SNX29: variants seen among roughly 807,000 people sequenced by gnomAD.
SNX29 encodes the protein sorting nexin 29.
A neutral mutation model predicts 102.1 loss-of-function variants in SNX29; 78 were observed. That is an observed-to-expected ratio of 0.76 (90% CI 0.64 to 0.92). The LOEUF (loss-of-function observed/expected upper bound fraction) is 0.92, where lower values mean the gene tolerates loss of function less well. SNX29 is among the 40% of genes least tolerant of loss of function. SNX29 has a pLI of 0.00. For synonymous variants in SNX29, 580 were observed against 414.5 expected, an observed-to-expected ratio of 1.40 and a Z score of -4.85; for missense variants, 1,280 against 1,061.7, an observed-to-expected ratio of 1.21 and a Z score of -2.86.
At chr16:12,536,152 G>A (rs556921401) in intron 20 of SNX29, among the ~76,000 whole-genome samples, 5 of 152,174 alleles carry the variant, frequency 3.3e-5, no homozygotes, top group Non-Finnish European at 7.3e-5. Context: ...GCCTGTGAGC[G>A]CAGAATCTCC....
intron 14 of SNX29, among the ~76,000 whole-genome samples, chr16:12,224,459 G>T (rs191214914): frequency 7.2e-4 from 109 of 152,302 alleles, no homozygotes; most frequent in Non-Finnish European, 1.3e-3. Flanking sequence ...ACCACAGGAC[G>T]TGTTTCTTAA....
chr16:12,486,096 T>A (rs1246353206), intron 19 of SNX29, among the ~76,000 whole-genome samples: 1 of 152,246 alleles, frequency 6.6e-6, no homozygotes, highest in Non-Finnish European at 1.5e-5. Flanking sequence ...CTCCAGGGGA[T>A]AATCCTTCTC....
intron 20 of SNX29, among the ~76,000 whole-genome samples, chr16:12,560,267 C>G (rs550684995): frequency 6.6e-6 from 1 of 152,134 alleles, no homozygotes; most frequent in East Asian, 1.9e-4. Context: ...ATCAGGAACA[C>G]AGCAGCAATG....
intron 20 of SNX29, among the ~76,000 whole-genome samples, chr16:12,529,575 A>C (rs1410492387): frequency 6.6e-6 from 1 of 152,082 alleles, no homozygotes; most frequent in Admixed American, 6.5e-5. Flanking sequence ...CCTTGAGGAG[A>C]GAGAAAGTTA....
intron 20 of SNX29, among the ~76,000 whole-genome samples, chr16:12,553,307 G>A (rs906474548): frequency 2.0e-5 from 3 of 152,190 alleles, no homozygotes; most frequent in Admixed American, 6.5e-5. Flanking sequence ...TGGGCACCTG[G>A]CCCTGGGAAA....
intron 13 of SNX29, among the ~76,000 whole-genome samples, chr16:12,167,400 G>C (rs2076041319): frequency 6.6e-6 from 1 of 152,136 alleles, no homozygotes; most frequent in African/African-American, 2.4e-5. Context: ...TGTGGGTCCA[G>C]GTAGAGCTCT....
chr16:12,490,176 C>A (rs901897739), intron 19 of SNX29, among the ~76,000 whole-genome samples: 3 of 152,146 alleles, frequency 2.0e-5, no homozygotes, highest in Non-Finnish European at 2.9e-5. Flanking sequence ...TGGATTTTCA[C>A]AAAATGAACA....
At chr16:11,984,501 C>A (rs2055526163) in intron 1 of SNX29, among the ~76,000 whole-genome samples, 1 of 152,174 alleles carries the variant, frequency 6.6e-6, no homozygotes, top group South Asian at 2.1e-4. Flanking sequence ...GCTCCATGGG[C>A]TCACTATTGA....
At chr16:12,395,188 T>C (rs1385741899) in intron 16 of SNX29, among the ~76,000 whole-genome samples, 1 of 152,244 alleles carries the variant, frequency 6.6e-6, no homozygotes, top group Non-Finnish European at 1.5e-5. Flanking sequence ...GAACCTCTAG[T>C]GTCTTCCCAG....
intron 3 of SNX29, among the ~76,000 whole-genome samples, chr16:12,004,719 C>G (rs568511630): frequency 1.3e-5 from 2 of 152,266 alleles, no homozygotes; most frequent in East Asian, 3.9e-4. Context: ...ATTTTAACAG[C>G]CATGAGAAAG....
intron 18 of SNX29, among the ~76,000 whole-genome samples, chr16:12,429,220 T>C (rs1405155017): frequency 1.3e-5 from 2 of 152,220 alleles, no homozygotes; most frequent in African/African-American, 4.8e-5. Context: ...CTCCTTCTAG[T>C]TAGTAACAAC....
At chr16:11,995,603 T>C (rs887906096) in intron 1 of SNX29, among the ~76,000 whole-genome samples, 7 of 148,286 alleles carry the variant, frequency 4.7e-5, no homozygotes, top group Non-Finnish European at 1.0e-4. Flanking sequence ...CAGAGGAGGC[T>C]GCTGACATCT....
intron 9 of SNX29, among the ~76,000 whole-genome samples, chr16:12,065,981 T>C (rs2051017119): frequency 6.6e-6 from 1 of 152,228 alleles, no homozygotes; most frequent in African/African-American, 2.4e-5. Context: ...AGACGGTCTA[T>C]GCTGTGTGCA....
At chr16:12,304,854 C>G (rs759500391) in intron 15 of SNX29, among the ~76,000 whole-genome samples, 1 of 152,164 alleles carries the variant, frequency 6.6e-6, no homozygotes. Context: ...TATGATTTTA[C>G]GAGAACATTC....
At chr16:12,554,984 G>C (rs75814363) in intron 20 of SNX29, among the ~76,000 whole-genome samples, 1 of 151,732 alleles carries the variant, frequency 6.6e-6, no homozygotes, top group Non-Finnish European at 1.5e-5. Context: ...TCAGTCAGCC[G>C]GAGCACCTTT....
intron 14 of SNX29, among the ~76,000 whole-genome samples, chr16:12,274,979 G>A (rs2079200894): frequency 6.6e-6 from 1 of 152,148 alleles, no homozygotes; most frequent in Admixed American, 6.5e-5. Context: ...CTTTTGAAGT[G>A]TTTTCCCTAA....
intron 18 of SNX29, among the ~76,000 whole-genome samples, chr16:12,473,964 A>G (rs2087475581): frequency 1.3e-5 from 2 of 152,168 alleles, no homozygotes; most frequent in South Asian, 4.1e-4. Flanking sequence ...GCGATTCTTT[A>G]TTCCTTTACT....
At chr16:12,455,289 G>T (rs1012234786) in intron 18 of SNX29, among the ~76,000 whole-genome samples, 1 of 152,252 alleles carries the variant, frequency 6.6e-6, no homozygotes, top group Non-Finnish European at 1.5e-5. Flanking sequence ...CCCACACCTC[G>T]TGGCCCTTTT....
chr16:12,296,226 A>AAC (rs2079976843), intron 15 of SNX29, among the ~76,000 whole-genome samples: 1 of 152,166 alleles, frequency 6.6e-6, no homozygotes, highest in Non-Finnish European at 1.5e-5. Flanking sequence ...TCCTGGTGTT[A>AAC]GAGGTTTGAA....
Sources: allele counts gnomAD v4.1 joint callset (sites outside exome capture counted in the v4.1 genomes callset), GRCh38; gene constraint gnomAD v4.1.1; transcripts MANE v1.5; gene names NCBI Gene and HGNC (gene_info 2026-07-23, HGNC 2026-07-21).